Variants in MDN1 observed in about 807,000 individuals in gnomAD.
MDN1 encodes midasin.
A neutral mutation model predicts 669.2 loss-of-function variants in MDN1; 266 were observed. That is an observed-to-expected ratio of 0.40 (90% CI 0.36 to 0.44). The LOEUF (loss-of-function observed/expected upper bound fraction) is 0.44. Ranked by LOEUF, MDN1 falls within the 20% of genes least tolerant of loss-of-function variation. The pLI, the probability that MDN1 is intolerant of heterozygous loss-of-function variation, is 1.00. For missense variants in MDN1, 5,940 were observed against 6,754.0 expected, an observed-to-expected ratio of 0.88 and a Z score of 4.22; for synonymous variants, 2,385 against 2,457.1, an observed-to-expected ratio of 0.97 and a Z score of 0.87.
intron 1 of MDN1, among the ~76,000 whole-genome samples, chr6:89,808,654 G>GC (rs1205288681): frequency 6.6e-6 from 1 of 151,760 alleles, no homozygotes; most frequent in Non-Finnish European, 1.5e-5. Flanking sequence ...TCCAACTACC[G>GC]CCCCAACTCT....
chr6:89,649,638 A>G (rs1808716594), intron 97 of MDN1, among the ~76,000 whole-genome samples: 1 of 152,086 alleles, frequency 6.6e-6, no homozygotes, highest in Non-Finnish European at 1.5e-5. Context: ...ACTATGCAGT[A>G]ATATCTGAAA....
In MDN1 at chr6:89,755,373, T is replaced by C. The variant is rs866940151; in HGVS notation, c.2816+904A>G. Among the ~76,000 whole-genome samples the C allele has an allele frequency of 8.2e-4, 92 of 111,614 alleles. 1 individual carries two copies. Among genetic ancestry groups the C allele is most frequent in the Middle Eastern group, 8.5e-3 (2 of 234 alleles). The allele number at this position is 111,614 out of a possible 152,430, so 73.2% of individuals were successfully genotyped here. On this transcript the variant is annotated intron_variant, in intron 20 of 101. Coordinates refer to ENST00000369393, the MANE Select transcript of MDN1 (RefSeq NM_014611.3). ...AGCCTGCACAACAAAGCAAAGCTCCTGTATCCAAAAAAAAAAAAAAAAAAA... is the reference window on the plus strand; with the variant it reads ...AGCCTGCACAACAAAGCAAAGCTCCCGTATCCAAAAAAAAAAAAAAAAAAA...
Position 89,773,180 on chromosome 6 carries a change from T to C in MDN1, c.1935-459A>G, listed in dbSNP as rs930496236. Among the ~76,000 whole-genome samples the C allele has an allele frequency of 3.3e-5, 5 of 152,184 alleles. No homozygotes were observed. The South Asian group carries it at 1.0e-3, about 31-fold the overall frequency. On this transcript the variant is annotated intron_variant, in intron 13 of 101. Transcript: ENST00000369393. ...TTAATCAAATTAAGATAAGGTCATATTGCATTAGGGTGGGTCTTAAATCCA... is the reference window on the plus strand; with the variant it reads ...TTAATCAAATTAAGATAAGGTCATACTGCATTAGGGTGGGTCTTAAATCCA...
intron 5 of MDN1, 54 bp from the exon 6 acceptor site, chr6:89,790,455 G>A (rs754400821): frequency 2.3e-5 from 37 of 1,608,858 alleles, no homozygotes; most frequent in Admixed American, 3.4e-5. Context: ...CCAAGGAACC[G>A]AAGTTAATTT....
chr6:89,697,067 AGTT>A (rs1352164347), intron 59 of MDN1, among the ~76,000 whole-genome samples: 2 of 152,204 alleles, frequency 1.3e-5, no homozygotes, highest in African/African-American at 4.8e-5. Flanking sequence ...AGGGATCCAA[AGTT>A]TATCACTAAA....
chr6:89,709,216 C>CA (rs949963220), intron 50 of MDN1, among the ~76,000 whole-genome samples: 5 of 151,978 alleles, frequency 3.3e-5, no homozygotes, highest in Admixed American at 2.6e-4. Flanking sequence ...AGGCAAGACA[C>CA]AAAAAAGGGT....
Position 89,794,762 on chromosome 6 carries a change from A to G in MDN1, c.369T>C (p.Phe123=), listed in dbSNP as rs1230679483. ...LRYFKDTSPV[F]QRLFLESSDA... is the part of the protein sequence containing the mutation. ...CTGAACTCTCTAGGAAAAGTCTTTG[A>G]AAGACTGGGGATGTGTCCTTGAAAT... is the stretch of plus-strand genomic sequence containing the variant. Residue 123 remains phenylalanine, a synonymous_variant, in exon 3 of 102, where the codon TTT becomes TTC. Coordinates refer to ENST00000369393, the MANE Select transcript of MDN1 (RefSeq NM_014611.3). The G allele has an allele frequency of 6.2e-7, 1 of 1,614,228 alleles. No homozygotes were observed.
At chr6:89,689,023 A>AGG (rs150733270) in intron 65 of MDN1, among the ~76,000 whole-genome samples, 7 of 152,302 alleles carry the variant, frequency 4.6e-5, no homozygotes, top group Non-Finnish European at 1.0e-4. Context: ...TACAAACATT[A>AGG]GCCAGACATG....
intron 50 of MDN1, among the ~76,000 whole-genome samples, chr6:89,710,152 A>G (rs969483379): frequency 6.6e-6 from 1 of 152,168 alleles, no homozygotes; most frequent in South Asian, 2.1e-4. Context: ...CTTCCTACTA[A>G]CGATACTGGT....
intron 13 of MDN1, among the ~76,000 whole-genome samples, chr6:89,774,090 A>G (rs1187258388): frequency 6.6e-6 from 1 of 152,232 alleles, no homozygotes. Flanking sequence ...TTACACTTCC[A>G]GCCTCCAGGA....
In MDN1 at chr6:89,643,421, G is replaced by C. The variant is rs1254001202; in HGVS notation, c.*584C>G. On this transcript the variant is annotated 3_prime_UTR_variant, in exon 102 of 102. Transcript: ENST00000369393. Reference sequence around the variant, plus strand: ...ATGACCTGGGCACCTATAATGTCCAGTTGCTTTATGAGAACACACACACAC... The same window carrying C: ...ATGACCTGGGCACCTATAATGTCCACTTGCTTTATGAGAACACACACACAC... 1 of 152,136 alleles carries C rather than the reference G, an allele frequency of 6.6e-6. No homozygotes were observed. The highest frequency in any genetic ancestry group is 1.5e-5 in the Non-Finnish European group (1 of 68,046). The allele number at this position is 152,136 out of a possible 1,614,324, so 9.4% of individuals were successfully genotyped here.
chr6:89,692,928 G>A lies in MDN1; in HGVS notation c.10102C>T (p.Leu3368Phe). 6.2e-7 allele frequency: 1 copy of A among 1,614,214 alleles called. No homozygotes were observed. Among genetic ancestry groups the A allele is most frequent in the South Asian group, 1.1e-5 (1 of 91,080 alleles). Residue 3368 changes from leucine to phenylalanine, a missense_variant, in exon 63 of 102, where the codon CTT becomes TTT. By Grantham distance (22) the Leu-to-Phe change is conservative. Transcript: ENST00000369393. ...GPRSAQVAQS[L>F]LKEEASWQQS... ...TGCCAAGAGGCCTCCTCCTTTAGAA[G>A]GCTCTGGGCTACTTGGGCAGACCGT...
rs1407341513 is a variant in MDN1 at position 89,758,331 on chromosome 6, C to T, written c.2626G>A (p.Asp876Asn). ...TTCATACAGGCAAATAAACGGAAGTCAGGATGCCGAACCAGTGGCTCTGTT... is the reference window on the plus strand; with the variant it reads ...TTCATACAGGCAAATAAACGGAAGTTAGGATGCCGAACCAGTGGCTCTGTT... ...GDTEPLVRHP[D>N]FRLFACMNPA... Residue 876 changes from aspartate to asparagine, a missense_variant, in exon 19 of 102, where the codon GAC becomes AAC. This residue lies in a region of MDN1 where 1,203 missense variants were observed against 1,268.9 expected (regional missense o/e 0.95). Coordinates refer to ENST00000369393, the MANE Select transcript of MDN1 (RefSeq NM_014611.3). The T allele has an allele frequency of 6.2e-7, 1 of 1,610,308 alleles. No homozygotes were observed. The highest frequency in any genetic ancestry group is 8.5e-7 in the Non-Finnish European group (1 of 1,177,998).
chr6:89,685,524 C>T (rs538922399), intron 70 of MDN1, among the ~76,000 whole-genome samples: 5 of 152,194 alleles, frequency 3.3e-5, no homozygotes, highest in Admixed American at 6.5e-5. Context: ...GATCAAGGAG[C>T]AGCTTAGCAG....
intron 37 of MDN1, 131 bp from the exon 38 acceptor site, chr6:89,725,527 CCTT>C (rs1294322427): frequency 3.7e-6 from 3 of 802,902 alleles, no homozygotes; most frequent in South Asian, 1.8e-5. Context: ...ATATTGATAA[CCTT>C]CTGTATTTTT....
Position 89,732,252 on chromosome 6 carries a change from T to C in MDN1, c.4942+305A>G, listed in dbSNP as rs541467311. 2.4e-3 allele frequency among the ~76,000 whole-genome samples: 360 copies of C among 149,260 alleles called. 3 individuals carry two copies. The highest frequency in any genetic ancestry group is 8.5e-3 in the African/African-American group (345 of 40,570). On this transcript the variant is annotated intron_variant, in intron 34 of 101. Transcript: ENST00000369393. ...TTCCTAACACATGTATCCCAGAACT[T>C]AATTTAAAAAAAAAAAAAAAAGCCA...
At chr6:89,740,126 T>G in intron 32 of MDN1, 108 bp downstream of exon 32, 4 of 1,328,616 alleles carry the variant, frequency 3.0e-6, no homozygotes, top group Non-Finnish European at 4.1e-6. Context: ...TTTTACCCAC[T>G]TTTTACCTAA....
At chr6:89,731,823 T>A (rs1412872174) in intron 34 of MDN1, among the ~76,000 whole-genome samples, 1 of 137,218 alleles carries the variant, frequency 7.3e-6, no homozygotes, top group Non-Finnish European at 1.6e-5. Flanking sequence ...CTTTTCCTTT[T>A]TCTCCTTTTT....
chr6:89,655,889 C>T lies in MDN1; in HGVS notation c.15365G>A (p.Arg5122Lys), dbSNP rs188183435. 3 of 1,614,014 alleles carry T rather than the reference C, an allele frequency of 1.9e-6. No individual in the cohort carries two copies. The highest frequency in any genetic ancestry group is 1.3e-5 in the African/African-American group (1 of 74,918). ...DHNERVHKRL[R>K]TVDTDSHAEQ... ...GGCATGGCTGTCCGTATCCACAGTC[C>T]TCAGCCTCTTGTGCACACGCTCATT... Residue 5122 changes from arginine to lysine, a missense_variant, in exon 92 of 102, where the codon AGG (arginine) becomes AAG (lysine). Arg to Lys is a conservative substitution (Grantham distance 26). Coordinates refer to ENST00000369393, the MANE Select transcript of MDN1 (RefSeq NM_014611.3).
Sources: allele counts gnomAD v4.1 joint callset (sites outside exome capture counted in the v4.1 genomes callset), GRCh38; gene constraint gnomAD v4.1.1; regional missense constraint gnomAD v4.1.1; transcripts MANE v1.5; gene names NCBI Gene and HGNC (gene_info 2026-07-23, HGNC 2026-07-21).